Variants in SMCHD1 observed in about 807,000 individuals in gnomAD.
The protein encoded by SMCHD1 is structural maintenance of chromosomes flexible hinge domain-containing protein 1.
A neutral mutation model predicts 254.7 loss-of-function variants in SMCHD1; 78 were observed. The ratio of observed to expected loss-of-function variants is 0.31; its 90% CI spans 0.26 to 0.37. The LOEUF (loss-of-function observed/expected upper bound fraction) is 0.37. Ranked by LOEUF, SMCHD1 falls within the 10% of genes least tolerant of loss-of-function variation. SMCHD1 has a pLI of 1.00. For missense variants in SMCHD1, 1,840 were observed against 2,408.1 expected (o/e 0.76, Z 4.94); for synonymous variants, 766 against 794.9 (o/e 0.96, Z 0.61).
intron 8 of SMCHD1, among the ~76,000 whole-genome samples, chr18:2,694,996 C>A (rs2074256021): frequency 6.6e-6 from 1 of 152,072 alleles, no homozygotes; most frequent in South Asian, 2.1e-4. Flanking sequence ...CTTCCATGAC[C>A]CCGTTTTGTG....
intron 25 of SMCHD1, among the ~76,000 whole-genome samples, chr18:2,733,859 G>A (rs1022280798): frequency 6.6e-6 from 1 of 152,168 alleles, no homozygotes; most frequent in Non-Finnish European, 1.5e-5. Context: ...AAAATTCCAG[G>A]CTTTTGAGGT....
rs1457436897 is a variant in SMCHD1, at chr18:2,674,140, T to C, written c.633T>C (p.Phe211=). Residue 211 remains phenylalanine, a synonymous_variant, in exon 5 of 48, where the codon TTT becomes TTC. Coordinates refer to ENST00000320876, the MANE Select transcript of SMCHD1 (RefSeq NM_015295.3). Reference sequence around the variant, plus strand: ...CAAAATTCACAAGGCAAGGTGACTTTGAAAGGTTAGAAAACCTTACTTTTT... The same window carrying C: ...CAAAATTCACAAGGCAAGGTGACTTCGAAAGGTTAGAAAACCTTACTTTTT... ...RLSKFTRQGD[F]ESDHSGYVRP... The C allele has an allele frequency of 6.3e-7, 1 of 1,583,692 alleles. No individual in the cohort carries two copies. The highest frequency in any genetic ancestry group is 8.6e-7 in the Non-Finnish European group (1 of 1,168,450).
At chr18:2,754,321 A>G (rs1404350651) in intron 34 of SMCHD1, among the ~76,000 whole-genome samples, 1 of 152,198 alleles carries the variant, frequency 6.6e-6, no homozygotes, top group Non-Finnish European at 1.5e-5. Context: ...GACTCACAGG[A>G]CTTAATATAT....
intron 40 of SMCHD1, 40 bp from the exon 41 acceptor site, chr18:2,772,210 G>T: frequency 6.7e-7 from 1 of 1,489,788 alleles, no homozygotes. Flanking sequence ...TGGTTCAAGA[G>T]TAATTGGTCT....
intron 20 of SMCHD1, 96 bp downstream of exon 20, chr18:2,722,759 C>G: frequency 9.5e-7 from 1 of 1,051,294 alleles, no homozygotes; most frequent in South Asian, 2.2e-5. Flanking sequence ...AGGTGTTCAA[C>G]TTTAATTATT....
intron 5 of SMCHD1, among the ~76,000 whole-genome samples, chr18:2,684,732 T>TGTGTGA (rs534087695): frequency 1.3e-5 from 2 of 151,014 alleles, no homozygotes; most frequent in African/African-American, 4.9e-5. Context: ...TGTGTGTGTG[T>TGTGTGA]GATTCCATTT....
rs139670392 is a variant in SMCHD1 at position 2,761,112 on chromosome 18, C to T, written c.4434+373C>T. 2.4e-3 allele frequency among the ~76,000 whole-genome samples: 361 copies of T among 152,266 alleles called. 1 individual carries two copies. The highest frequency in any genetic ancestry group is 8.0e-3 in the African/African-American group (331 of 41,554). On this transcript the variant is annotated intron_variant, in intron 35 of 47. Transcript: ENST00000320876. ...GAGAACGAAATTATGTCCTTTGCAG[C>T]AACATGGATGTGGCTAGAGGCCATT...
At chr18:2,698,923 A>G (rs1276370400) in intron 10 of SMCHD1, among the ~76,000 whole-genome samples, 1 of 152,052 alleles carries the variant, frequency 6.6e-6, no homozygotes. Flanking sequence ...TTGGGAAAAA[A>G]CATTTTCACT....
At chr18:2,666,531 CTAAT>C (rs1237699339) in intron 2 of SMCHD1, among the ~76,000 whole-genome samples, 1 of 152,010 alleles carries the variant, frequency 6.6e-6, no homozygotes, top group African/African-American at 2.4e-5. Context: ...TTTTTTTAAC[CTAAT>C]TAGTTTTCCA....
In SMCHD1 at chr18:2,678,462, A is replaced by G. The variant is rs9748291; in HGVS notation, c.638+4317A>G. 4.1e-3 allele frequency among the ~76,000 whole-genome samples: 628 copies of G among 151,936 alleles called. 4 individuals are homozygous for G. The highest frequency in any genetic ancestry group is 0.015 in the African/African-American group (607 of 41,448). On this transcript the variant is annotated intron_variant, in intron 5 of 47. Coordinates refer to ENST00000320876, the MANE Select transcript of SMCHD1 (RefSeq NM_015295.3). ...ACAGGCACATGCTGGGATTACAGGC[A>G]CATGCCACTACTCCCGGCTTATTTT...
chr18:2,732,406 G>T lies in SMCHD1; in HGVS notation c.3190G>T (p.Asp1064Tyr). 6.2e-7 allele frequency: 1 copy of T among 1,613,432 alleles called. No homozygotes were observed. The highest frequency in any genetic ancestry group is 1.1e-5 in the South Asian group (1 of 91,052). Residue 1064 changes from aspartate (D) to tyrosine (Y), a missense_variant, in exon 25 of 48, where the codon GAT becomes TAT. Asp to Tyr is a radical substitution (Grantham distance 160). Transcript: ENST00000320876. Reference protein sequence around the residue: ...HQDEVNWIAGDIMHNLIFQMY... With the variant: ...HQDEVNWIAGYIMHNLIFQMY... Reference sequence around the variant, plus strand: ...GGATGAGGTTAATTGGATAGCGGGTGATATTATGCATAATCTTATTTTTCA... The same window carrying T: ...GGATGAGGTTAATTGGATAGCGGGTTATATTATGCATAATCTTATTTTTCA...
intron 5 of SMCHD1, among the ~76,000 whole-genome samples, chr18:2,677,844 C>T (rs2073788922): frequency 6.6e-6 from 1 of 152,010 alleles, no homozygotes; most frequent in African/African-American, 2.4e-5. Context: ...GTCTCCAACT[C>T]CTGAGCTGAA....
chr18:2,779,580 A>G (rs1479750708), intron 44 of SMCHD1, among the ~76,000 whole-genome samples: 1 of 152,220 alleles, frequency 6.6e-6, no homozygotes, highest in Non-Finnish European at 1.5e-5. Context: ...AGTGTATTCT[A>G]GAATCACGGG....
intron 3 of SMCHD1, chr18:2,673,056 C>T: frequency 2.0e-6 from 2 of 985,320 alleles, no homozygotes; most frequent in Non-Finnish European, 2.4e-6. Context: ...GGCTGGCTGA[C>T]TCATGCTGTA....
intron 17 of SMCHD1, among the ~76,000 whole-genome samples, chr18:2,717,032 T>C (rs1308888772): frequency 6.6e-6 from 1 of 152,186 alleles, no homozygotes; most frequent in Admixed American, 6.5e-5. Context: ...CAATATTAGA[T>C]CACAAATCTT....
intron 44 of SMCHD1, 72 bp from the exon 45 acceptor site, chr18:2,784,378 T>A: frequency 1.5e-6 from 2 of 1,297,718 alleles, no homozygotes; most frequent in Non-Finnish European, 2.1e-6. Context: ...TCAGAAACTT[T>A]AAATTATTTC....
intron 20 of SMCHD1, among the ~76,000 whole-genome samples, chr18:2,724,104 T>A (rs1489725174): frequency 6.7e-6 from 1 of 149,986 alleles, no homozygotes; most frequent in Non-Finnish European, 1.5e-5. Context: ...ATATGTTTAA[T>A]GTGCCATCTT....
Position 2,738,417 on chromosome 18 carries a change from T to G in SMCHD1, c.3297T>G (p.Ile1099Met). The G allele has an allele frequency of 6.2e-7, 1 of 1,605,288 alleles. No homozygotes were observed. Among genetic ancestry groups the G allele is most frequent in the East Asian group, 2.2e-5 (1 of 44,610 alleles). Residue 1099 changes from isoleucine (I) to methionine (M), a missense_variant, in exon 26 of 48, where the codon ATT (isoleucine) becomes ATG (methionine). This residue lies in a region of SMCHD1 where 881 missense variants were observed against 1,009.5 expected (regional missense o/e 0.87). Transcript: ENST00000320876. ...EKIKVNWTPE[I>M]NKEHLLQGLL... ...CCTAGGTTAATTGGACTCCTGAGAT[T>G]AACAAAGAACACTTGCTACAGGGTC...
At chr18:2,659,140 C>T (rs971403493) in intron 1 of SMCHD1, among the ~76,000 whole-genome samples, 5 of 152,096 alleles carry the variant, frequency 3.3e-5, no homozygotes, top group Non-Finnish European at 4.4e-5. Flanking sequence ...TTTTTTGAGA[C>T]GGAGTCTCGC....
Sources: gnomAD v4.1 joint callset for allele counts (sites outside exome capture counted in the v4.1 genomes callset) on GRCh38, gnomAD v4.1.1 for gene constraint, gnomAD v4.1.1 regional missense constraint, MANE v1.5 for transcripts, NCBI Gene and HGNC (gene_info 2026-07-23, HGNC 2026-07-21) for gene names.